C1orf21: variants seen among roughly 807,000 people sequenced by gnomAD.
C1orf21 encodes the protein chromosome 1 open reading frame 21.
Under a neutral mutation model 18.7 loss-of-function variants are expected in C1orf21, and 3 were observed. The ratio of observed to expected loss-of-function variants is 0.16; its 90% CI spans 0.07 to 0.42. The LOEUF (loss-of-function observed/expected upper bound fraction) is 0.42. Ranked by LOEUF, C1orf21 falls within the 10% of genes least tolerant of loss-of-function variation. The pLI, the probability that C1orf21 is intolerant of heterozygous loss-of-function variation, is 0.99. For synonymous variants in C1orf21, 41 were observed against 46.4 expected (o/e 0.88, Z 0.47); for missense variants, 104 against 143.6 (o/e 0.72, Z 1.41).
chr1:184,446,287 A>T (rs1354064975), intron 1 of C1orf21, among the ~76,000 whole-genome samples: 1 of 151,892 alleles, frequency 6.6e-6, no homozygotes, highest in Non-Finnish European at 1.5e-5. Context: ...CTCTCTCCTC[A>T]CTGTCTACTA....
chr1:184,500,970 C>G (rs1657967785), intron 2 of C1orf21, among the ~76,000 whole-genome samples: 1 of 152,206 alleles, frequency 6.6e-6, no homozygotes, highest in Non-Finnish European at 1.5e-5. Flanking sequence ...TCCTAGTCTT[C>G]CCCATGTGTT....
intron 3 of C1orf21, among the ~76,000 whole-genome samples, chr1:184,559,483 C>G (rs1558002590): frequency 7.1e-6 from 1 of 140,296 alleles, no homozygotes; most frequent in Non-Finnish European, 1.5e-5. Context: ...TCCCTCCTTC[C>G]TTCCTTCCTT....
intron 5 of C1orf21, among the ~76,000 whole-genome samples, chr1:184,616,262 T>G (rs543475102): frequency 1.3e-5 from 2 of 152,228 alleles, no homozygotes; most frequent in Non-Finnish European, 2.9e-5. Context: ...TGAAGCTGAA[T>G]TGAATTTGAA....
chr1:184,598,050 A>C (rs919562548), intron 4 of C1orf21, among the ~76,000 whole-genome samples: 1 of 151,962 alleles, frequency 6.6e-6, no homozygotes. Context: ...TTTTCAATAC[A>C]CTGTTGAAAT....
rs1300212650 is a variant in C1orf21 at position 184,460,617 on chromosome 1, G to GTCTTCTTCTTCT, written c.-124-16767_-124-16766insTTCTTCTTCTTC. 1.7e-3 allele frequency among the ~76,000 whole-genome samples: 198 copies of GTCTTCTTCTTCT among 116,518 alleles called. 1 individual carries two copies. The highest frequency in any genetic ancestry group is 6.9e-3 in the African/African-American group (194 of 27,924). 76.4% of individuals were successfully genotyped at this position (116,518 alleles called of 152,430 possible). A position where few individuals can be genotyped will look rare whatever the true frequency, so the allele number is the denominator to read the frequency against. On this transcript the variant is annotated intron_variant, in intron 1 of 5. Transcript: ENST00000235307. ...GAGTTGGGCTGTTAGTATTGTCGTCGTCGTCTTCTTCTTCTTCTTCTTCTT... is the reference window on the plus strand; with the variant it reads ...GAGTTGGGCTGTTAGTATTGTCGTCGTCTTCTTCTTCTTCGTCTTCTTCTTCTTCTTCTTCTT...
At chr1:184,608,316 A>G (rs902521762) in intron 5 of C1orf21, among the ~76,000 whole-genome samples, 20 of 152,362 alleles carry the variant, frequency 1.3e-4, no homozygotes, top group African/African-American at 3.8e-4. Flanking sequence ...AATAGAAAAA[A>G]CAAAGATTAC....
intron 1 of C1orf21, among the ~76,000 whole-genome samples, chr1:184,396,720 T>C (rs1258854913): frequency 6.6e-6 from 1 of 152,198 alleles, no homozygotes; most frequent in Non-Finnish European, 1.5e-5. Context: ...AATCCCTCTA[T>C]TCTACCCTCT....
intron 1 of C1orf21, among the ~76,000 whole-genome samples, chr1:184,456,219 C>T (rs1277595973): frequency 6.6e-6 from 1 of 152,216 alleles, no homozygotes; most frequent in African/African-American, 2.4e-5. Context: ...TTTTGAACCA[C>T]TGACCCCATC....
rs1655908795 is a variant in C1orf21 at position 184,387,678 on chromosome 1, A to G, written c.-125+310A>G. 6.6e-6 allele frequency among the ~76,000 whole-genome samples: 1 copy of G among 152,104 alleles called. No homozygotes were observed. The highest frequency in any genetic ancestry group is 1.5e-5 in the Non-Finnish European group (1 of 67,994). ...GCTGCTGACGACTTTCGTCACATCG[A>G]GGCCTGGGTGGCTGGTGTTAGACAC... On this transcript the variant is annotated intron_variant, in intron 1 of 5. Coordinates refer to ENST00000235307, the MANE Select transcript of C1orf21 (RefSeq NM_030806.4). This position sits in a 1 kb window ranked among gnomAD's most constrained non-coding sequence, Gnocchi z 5.6.
At chr1:184,487,536 G>A (rs979264028) in intron 2 of C1orf21, among the ~76,000 whole-genome samples, 2 of 152,158 alleles carry the variant, frequency 1.3e-5, no homozygotes, top group African/African-American at 4.8e-5. Context: ...TCCTCCTTGG[G>A]AATAACACAT....
rs1430241614 is a variant in C1orf21, at chr1:184,625,475, C to A, written c.*5919C>A. On this transcript the variant is annotated 3_prime_UTR_variant, in exon 6 of 6. Coordinates refer to ENST00000235307, the MANE Select transcript of C1orf21 (RefSeq NM_030806.4). ...TGCAAATTCATAAAATTACTCTTTTCCTGGAATAGATCCAGGCAGCTGCCT... is the reference window on the plus strand; with the variant it reads ...TGCAAATTCATAAAATTACTCTTTTACTGGAATAGATCCAGGCAGCTGCCT... The A allele has an allele frequency of 6.6e-6, 1 of 152,608 alleles. No individual in the cohort carries two copies. Among genetic ancestry groups the A allele is most frequent in the African/African-American group, 2.4e-5 (1 of 41,430 alleles). 9.5% of individuals were successfully genotyped at this position (152,608 alleles called of 1,614,324 possible).
intron 5 of C1orf21, among the ~76,000 whole-genome samples, chr1:184,614,652 A>G (rs1435263168): frequency 6.6e-6 from 1 of 152,190 alleles, no homozygotes; most frequent in Non-Finnish European, 1.5e-5. Flanking sequence ...TTCTGTTATT[A>G]CATATTCACC....
Position 184,507,625 on chromosome 1 carries a change from C to T in C1orf21, c.132C>T (p.Tyr44=). The change falls in exon 3 of 6, where the codon TAC becomes TAT. Residue 44 remains tyrosine, a synonymous_variant. Transcript: ENST00000235307. The part of the protein sequence containing the change: ...YRIKPVEEVK[Y]MKNGAEEEQK... ...TCAAACCAGTGGAAGAGGTCAAATA[C>T]ATGAAAAATGGGGCAGAAGAAGAGC... 1 of 1,606,564 alleles carries T rather than the reference C, an allele frequency of 6.2e-7. No individual in the cohort carries two copies.
At chr1:184,396,068 A>G (rs78001867) in intron 1 of C1orf21, among the ~76,000 whole-genome samples, 2,338 of 152,284 alleles carry the variant, frequency 0.015, 64 homozygotes, top group African/African-American at 0.054. Context: ...AATGACGTGG[A>G]GCCATGTGGT....
intron 5 of C1orf21, among the ~76,000 whole-genome samples, chr1:184,601,055 G>A (rs949709249): frequency 1.3e-5 from 2 of 152,158 alleles, no homozygotes; most frequent in Admixed American, 6.5e-5. Context: ...CTAGCATGAG[G>A]ACAACCATAA....
intron 3 of C1orf21, among the ~76,000 whole-genome samples, chr1:184,534,118 T>C (rs1012915080): frequency 3.3e-5 from 5 of 152,346 alleles, no homozygotes; most frequent in African/African-American, 9.6e-5. Context: ...CCGTCTCTGA[T>C]AATAATGCCT....
At chr1:184,473,695 T>C (rs1040675321) in intron 1 of C1orf21, among the ~76,000 whole-genome samples, 5 of 152,224 alleles carry the variant, frequency 3.3e-5, no homozygotes, top group Non-Finnish European at 7.3e-5. Context: ...CCTGTTTCTT[T>C]AGCTCTGCTC....
chr1:184,514,227 C>T (rs1658191762), intron 3 of C1orf21, among the ~76,000 whole-genome samples: 1 of 152,116 alleles, frequency 6.6e-6, no homozygotes, highest in Non-Finnish European at 1.5e-5. Context: ...ATCGCTTGAG[C>T]CCAGGAATTC....
At chr1:184,411,623 T>C (rs1295409467) in intron 1 of C1orf21, among the ~76,000 whole-genome samples, 10 of 152,012 alleles carry the variant, frequency 6.6e-5, no homozygotes, top group African/African-American at 9.7e-5. Flanking sequence ...AGGGTTTCAC[T>C]GTGTTAGCCA....
Sources: allele counts gnomAD v4.1 joint callset (sites outside exome capture counted in the v4.1 genomes callset), GRCh38; gene constraint gnomAD v4.1.1; non-coding constraint Gnocchi (gnomAD v3.1); transcripts MANE v1.5; gene names NCBI Gene and HGNC (gene_info 2026-07-23, HGNC 2026-07-21).